Variants in ENAH observed in about 807,000 individuals in gnomAD.
The protein encoded by ENAH is ENAH actin regulator.
A neutral mutation model predicts 78.7 loss-of-function variants in ENAH; 23 were observed. The ratio of observed to expected loss-of-function variants is 0.29; its 90% confidence interval spans 0.21 to 0.41. ENAH has a LOEUF of 0.41. ENAH is among the 10% of genes least tolerant of loss of function. ENAH has a pLI of 1.00. For missense variants in ENAH, 544 were observed against 691.0 expected (o/e 0.79, Z 2.39); for synonymous variants, 226 against 241.0 (o/e 0.94, Z 0.58).
At position 225,652,498 on chromosome 1, in the gene ENAH, C is replaced by T. The variant is rs924139436; in HGVS notation, c.5+188G>A. 8.2e-6 allele frequency: 7 copies of T among 849,206 alleles called. No homozygotes were observed. The African/African-American group carries it at 1.1e-4, about 13-fold the overall frequency. 52.6% of individuals were successfully genotyped at this position (849,206 alleles called of 1,614,324 possible). A position where few individuals can be genotyped will look rare whatever the true frequency, so the allele number is the denominator to read the frequency against. ...GATGAAGCGAGACCCCCAAACCACACGGGTTGGGGAGGTTTCCAAGAAAGA... is the reference window on the plus strand; with the variant it reads ...GATGAAGCGAGACCCCCAAACCACATGGGTTGGGGAGGTTTCCAAGAAAGA... On this transcript the variant is annotated intron_variant, in intron 1 of 13. Coordinates refer to ENST00000366843, the MANE Select transcript of ENAH (RefSeq NM_018212.6).
chr1:225,551,162 C>T (rs1266497222), intron 3 of ENAH, among the ~76,000 whole-genome samples: 1 of 152,054 alleles, frequency 6.6e-6, no homozygotes, highest in African/African-American at 2.4e-5. Context: ...AGGAAGAGCA[C>T]TAATTCAGCT....
At chr1:225,588,625 C>A (rs753691854) in intron 1 of ENAH, among the ~76,000 whole-genome samples, 6 of 151,996 alleles carry the variant, frequency 3.9e-5, no homozygotes, top group African/African-American at 1.4e-4. Flanking sequence ...CTGGCCAACA[C>A]GGTGAAACGC....
intron 1 of ENAH, 149 bp from the exon 2 acceptor site, chr1:225,567,563 C>T (rs1417669369): frequency 2.7e-6 from 2 of 745,872 alleles, no homozygotes; most frequent in African/African-American, 3.6e-5. Flanking sequence ...GGCTTCCTGT[C>T]TTTATGTGTA....
intron 3 of ENAH, among the ~76,000 whole-genome samples, chr1:225,546,530 A>G (rs190754651): frequency 6.6e-6 from 1 of 152,284 alleles, no homozygotes; most frequent in Admixed American, 6.5e-5. Flanking sequence ...TGGTAGGTAA[A>G]GAATACCTAA....
In ENAH at chr1:225,519,114, G is replaced by A. The variant is rs1158605734; in HGVS notation, c.802+84C>T. 8.5e-6 allele frequency: 13 copies of A among 1,526,484 alleles called. No homozygotes were observed. The Admixed American group carries it at 2.7e-4, about 32-fold the overall frequency. 94.6% of individuals were successfully genotyped at this position (1,526,484 alleles called of 1,614,324 possible). A position where few individuals can be genotyped will look rare whatever the true frequency, so the allele number is the denominator to read the frequency against. On this transcript the variant is annotated intron_variant, in intron 5 of 13. Transcript: ENST00000366843. ...TGGCTTAATCCCAAACATCTCAAATGTGAAATATTTTAACACATGACTGCA... is the reference window on the plus strand; with the variant it reads ...TGGCTTAATCCCAAACATCTCAAATATGAAATATTTTAACACATGACTGCA...
chr1:225,641,153 G>A lies in ENAH; in HGVS notation c.5+11533C>T, dbSNP rs191189981. 4.0e-3 allele frequency among the ~76,000 whole-genome samples: 604 copies of A among 151,698 alleles called. 3 individuals carry two copies. The highest frequency in any genetic ancestry group is 4.1e-3 in the Non-Finnish European group (281 of 67,890). The stretch of plus-strand genomic sequence containing the variant: ...GCTGGGATTACAGGCATGAGCCACC[G>A]CGCCCGGCCAAATACAAGTACACAC... On this transcript the variant is annotated intron_variant, in intron 1 of 13. Coordinates refer to ENST00000366843, the MANE Select transcript of ENAH (RefSeq NM_018212.6).
chr1:225,515,169 T>A lies in ENAH; in HGVS notation c.914-269A>T, dbSNP rs968971435. On this transcript the variant is annotated intron_variant, in intron 6 of 13. Transcript: ENST00000366843. ...ATCTAATTAAGACTTTTTTTTTTCA[T>A]GGGGATTTGGTAAATAAGCAAAATA... 2.0e-5 allele frequency: 8 copies of A among 404,860 alleles called. No homozygotes were observed. In the East Asian group the frequency reaches 3.9e-4, roughly 20 times the overall value. 25.1% of individuals were successfully genotyped at this position (404,860 alleles called of 1,614,324 possible).
chr1:225,536,778 C>T (rs1485663139), intron 3 of ENAH, among the ~76,000 whole-genome samples: 1 of 151,838 alleles, frequency 6.6e-6, no homozygotes, highest in African/African-American at 2.4e-5. Context: ...GAAAATATTA[C>T]ATACACTGTA....
At position 225,560,727 on chromosome 1, in the gene ENAH, G is replaced by A. The variant is rs113876272; in HGVS notation, c.172-5644C>T. Among the ~76,000 whole-genome samples the A allele has an allele frequency of 2.4e-3, 363 of 152,306 alleles. 2 individuals are homozygous for A. The highest frequency in any genetic ancestry group is 8.3e-3 in the African/African-American group (343 of 41,570). ...CCTTAGAAGACACTAGAAACCCAAA[G>A]CTACTAAATTTTAACATTATCAGAA... On this transcript the variant is annotated intron_variant, in intron 2 of 13. Coordinates refer to ENST00000366843, the MANE Select transcript of ENAH (RefSeq NM_018212.6).
In ENAH at chr1:225,514,761, AGGGGGC is replaced by A; in HGVS notation, c.1047_1052del (p.Pro354_Pro355del). 4.3e-6 allele frequency: 1 copy of A among 231,846 alleles called. No homozygotes were observed. Among genetic ancestry groups the A allele is most frequent in the Middle Eastern group, 1.7e-3 (1 of 576 alleles). The allele number at this position is 231,846 out of a possible 1,614,324, so 14.4% of individuals were successfully genotyped here. A position where few individuals can be genotyped will look rare whatever the true frequency, so the allele number is the denominator to read the frequency against. Reference sequence around the variant, plus strand: ...CTTGATTAGGGAGAGGAGGGGGAGGAGGGGGCGGTGGAGGCCCGGTGGATGGGAGTG... The same window carrying A: ...CTTGATTAGGGAGAGGAGGGGGAGGAGGTGGAGGCCCGGTGGATGGGAGTG... On this transcript the variant is annotated inframe_deletion, in exon 7 of 14. Coordinates refer to ENST00000366843, the MANE Select transcript of ENAH (RefSeq NM_018212.6).
At chr1:225,568,993 G>A (rs1575562621) in intron 1 of ENAH, among the ~76,000 whole-genome samples, 1 of 152,156 alleles carries the variant, frequency 6.6e-6, no homozygotes, top group Non-Finnish European at 1.5e-5. Context: ...TTCTGGGAAT[G>A]AAAACAAGCC....
rs1049732470 is a variant in ENAH, at chr1:225,527,711, C to T, written c.434+2843G>A. Among the ~76,000 whole-genome samples, 8 of 152,282 alleles carry T rather than the reference C, an allele frequency of 5.3e-5. 1 individual carries two copies. Among genetic ancestry groups the T allele is most frequent in the Admixed American group, 2.6e-4 (4 of 15,292 alleles). ...TGGTCCTGGAGGGGGAAGGAGGAAG[C>T]GTACTCACATTGCACGTGTGTTTGC... On this transcript the variant is annotated intron_variant, in intron 4 of 13. Transcript: ENST00000366843.
At position 225,555,036 on chromosome 1, in the gene ENAH, A is replaced by G; in HGVS notation, c.219T>C (p.Ala73=). The G allele has an allele frequency of 6.3e-7, 1 of 1,597,740 alleles. No homozygotes were observed. The highest frequency in any genetic ancestry group is 8.6e-7 in the Non-Finnish European group (1 of 1,166,892). The change falls in exon 3 of 14, where the codon GCT becomes GCC. Residue 73 remains alanine, a synonymous_variant. Transcript: ENST00000366843. ...AIPKGLKYNQ[A]TQTFHQWRDA... is the part of the protein sequence containing the mutation. ...CTCGCCACTGGTGGAAGGTCTGTGTAGCTTGATTGTACTTCAACCCTTTAG... is the reference window on the plus strand; with the variant it reads ...CTCGCCACTGGTGGAAGGTCTGTGTGGCTTGATTGTACTTCAACCCTTTAG...
At chr1:225,531,148 A>C in intron 3 of ENAH, 1 of 397,868 alleles carries the variant, frequency 2.5e-6, no homozygotes, top group East Asian at 3.6e-5. Context: ...TGCCCAATTT[A>C]AGCTGCCATT....
At chr1:225,521,966 T>C (rs920446858) in intron 4 of ENAH, among the ~76,000 whole-genome samples, 1 of 152,038 alleles carries the variant, frequency 6.6e-6, no homozygotes, top group African/African-American at 2.4e-5. Context: ...CGGCTAATTT[T>C]TTGTATTTTT....
chr1:225,508,107 C>T (rs1383234260), intron 10 of ENAH, 90 bp from the exon 11 acceptor site: 35 of 746,834 alleles, frequency 4.7e-5, no homozygotes, highest in Non-Finnish European at 7.1e-5. Flanking sequence ...TCTCATTATA[C>T]CTGTTTACAT....
chr1:225,639,725 CACACACACACACACACACAA>C (rs1660687236), intron 1 of ENAH, among the ~76,000 whole-genome samples: 1 of 148,578 alleles, frequency 6.7e-6, no homozygotes, highest in African/African-American at 2.6e-5. Flanking sequence ...CACACACACA[CACACACACACACACACACAA>C]GAAGGATGGT....
rs1432462679 is a variant in ENAH at position 225,487,534 on chromosome 1, A to G, written c.*10241T>C. On this transcript the variant is annotated 3_prime_UTR_variant, in exon 14 of 14. Coordinates refer to ENST00000366843, the MANE Select transcript of ENAH (RefSeq NM_018212.6). ...AATTCGGCAAGGCCCATTAATTCAC[A>G]AATTCCATGATAAGATACATGAGGT... 3.9e-5 allele frequency: 6 copies of G among 152,252 alleles called. No homozygotes were observed. The highest frequency in any genetic ancestry group is 8.8e-5 in the Non-Finnish European group (6 of 68,048). 9.4% of individuals were successfully genotyped at this position (152,252 alleles called of 1,614,324 possible).
intron 3 of ENAH, among the ~76,000 whole-genome samples, chr1:225,551,052 A>C (rs1575495324): frequency 6.6e-6 from 1 of 152,210 alleles, no homozygotes; most frequent in East Asian, 1.9e-4. Flanking sequence ...TGGATAAATA[A>C]TAGAGAAATC....
Sources: gnomAD v4.1 joint callset for allele counts (sites outside exome capture counted in the v4.1 genomes callset) on GRCh38, gnomAD v4.1.1 for gene constraint, MANE v1.5 for transcripts, NCBI Gene and HGNC (gene_info 2026-07-23, HGNC 2026-07-21) for gene names.